The following KCNJ3 variants were observed in gnomAD, a reference collection of about 807,000 sequenced individuals.
KCNJ3 encodes the protein potassium inwardly rectifying channel subfamily J member 3.
In KCNJ3, 4 loss-of-function variants were observed where a neutral mutation model predicts 39.2. The observed-to-expected ratio is 0.10, with a 90% CI of 0.05 to 0.23. The LOEUF is 0.23. Ranked by LOEUF, KCNJ3 falls within the 10% of genes least tolerant of loss-of-function variation. The probability of loss-of-function intolerance (pLI) is 1.00; values close to 1 mark genes in which losing one functional copy is unlikely to be tolerated. For missense variants in KCNJ3, 276 were observed against 634.9 expected, an observed-to-expected ratio of 0.43 and a Z score of 6.08; for synonymous variants, 230 against 237.4, an observed-to-expected ratio of 0.97 and a Z score of 0.29.
At chr2:154,725,004 GC>G (rs1345521308) in intron 2 of KCNJ3, among the ~76,000 whole-genome samples, 3 of 147,548 alleles carry the variant, frequency 2.0e-5, no homozygotes. Context: ...ACTCACCTGG[GC>G]TTTTAGTGTT....
chr2:154,830,071 C>T (rs553980861), intron 2 of KCNJ3, among the ~76,000 whole-genome samples: 1 of 152,246 alleles, frequency 6.6e-6, no homozygotes, highest in East Asian at 1.9e-4. Flanking sequence ...GAAAGTTCAT[C>T]TGGAAAACCT....
At chr2:154,831,590 T>C (rs1185588504) in intron 2 of KCNJ3, among the ~76,000 whole-genome samples, 1 of 152,094 alleles carries the variant, frequency 6.6e-6, no homozygotes, top group Non-Finnish European at 1.5e-5. Flanking sequence ...ATGGATGAGA[T>C]GTGTCATTGA....
intron 2 of KCNJ3, among the ~76,000 whole-genome samples, chr2:154,841,337 T>G (rs1687572317): frequency 6.6e-6 from 1 of 152,200 alleles, no homozygotes; most frequent in Non-Finnish European, 1.5e-5. Flanking sequence ...AGTTTGCCAG[T>G]ATTTTATTGA....
At chr2:154,701,364 GTTAT>G (rs1684893567) in intron 1 of KCNJ3, among the ~76,000 whole-genome samples, 1 of 151,946 alleles carries the variant, frequency 6.6e-6, no homozygotes, top group African/African-American at 2.4e-5. Context: ...AACATTTAAG[GTTAT>G]TTATTACAGA....
At chr2:154,789,545 A>C (rs1686590853) in intron 2 of KCNJ3, among the ~76,000 whole-genome samples, 2 of 152,108 alleles carry the variant, frequency 1.3e-5, no homozygotes, top group Non-Finnish European at 2.9e-5. Context: ...GCAAAACATC[A>C]TTCAAATGTT....
At chr2:154,701,369 T>G (rs752392999) in intron 1 of KCNJ3, among the ~76,000 whole-genome samples, 3 of 152,120 alleles carry the variant, frequency 2.0e-5, no homozygotes, top group Admixed American at 1.3e-4. Flanking sequence ...TTAAGGTTAT[T>G]TATTACAGAT....
At position 154,839,961 on chromosome 2, in the gene KCNJ3, T is replaced by G. The variant is rs1426666222; in HGVS notation, c.920-14766T>G. Among the ~76,000 whole-genome samples, 3 of 152,208 alleles carry G rather than the reference T, an allele frequency of 2.0e-5. No homozygotes were observed. The East Asian group carries it at 5.8e-4, about 29-fold the overall frequency. On this transcript the variant is annotated intron_variant, in intron 2 of 2. Coordinates refer to ENST00000295101, the MANE Select transcript of KCNJ3 (RefSeq NM_002239.4). ...TTTAATTAGATCCCATTTGTCAATT[T>G]TGGCTTTTGTTGCCATTGCTTTTGG...
intron 2 of KCNJ3, among the ~76,000 whole-genome samples, chr2:154,773,777 G>T (rs532595476): frequency 6.6e-6 from 1 of 152,162 alleles, no homozygotes; most frequent in South Asian, 2.1e-4. Context: ...CACACTTGAC[G>T]CATGTCTTAA....
chr2:154,783,816 G>T (rs1002334143), intron 2 of KCNJ3, among the ~76,000 whole-genome samples: 4 of 152,156 alleles, frequency 2.6e-5, no homozygotes, highest in African/African-American at 9.6e-5. Flanking sequence ...CCATTATTCT[G>T]GTTTTTTAAA....
chr2:154,826,547 T>C (rs972168027), intron 2 of KCNJ3, among the ~76,000 whole-genome samples: 30 of 152,322 alleles, frequency 2.0e-4, no homozygotes, highest in African/African-American at 7.0e-4. Context: ...TACTAAAAAT[T>C]GTCATTAAAA....
intron 2 of KCNJ3, among the ~76,000 whole-genome samples, chr2:154,750,594 CA>C (rs1685823655): frequency 6.6e-6 from 1 of 151,898 alleles, no homozygotes; most frequent in Admixed American, 6.6e-5. Flanking sequence ...TAGAAAAATA[CA>C]TAAGCAACAA....
At chr2:154,728,033 T>C (rs563301604) in intron 2 of KCNJ3, among the ~76,000 whole-genome samples, 72 of 151,886 alleles carry the variant, frequency 4.7e-4, no homozygotes, top group Non-Finnish European at 4.4e-4. Flanking sequence ...TGAAAAACAA[T>C]GATTTTGATT....
At chr2:154,726,111 A>G (rs1362344004) in intron 2 of KCNJ3, among the ~76,000 whole-genome samples, 5 of 152,152 alleles carry the variant, frequency 3.3e-5, no homozygotes, top group Non-Finnish European at 7.4e-5. Flanking sequence ...TAACTAGATG[A>G]GACTTAATTA....
chr2:154,718,645 T>C (rs1298762988), intron 2 of KCNJ3, among the ~76,000 whole-genome samples: 1 of 152,202 alleles, frequency 6.6e-6, no homozygotes, highest in Non-Finnish European at 1.5e-5. Context: ...ATTCCACCAT[T>C]TCCTTACTTT....
At chr2:154,788,170 C>T (rs1303203848) in intron 2 of KCNJ3, among the ~76,000 whole-genome samples, 1 of 152,044 alleles carries the variant, frequency 6.6e-6, no homozygotes, top group Non-Finnish European at 1.5e-5. Flanking sequence ...TGAGAAGAAG[C>T]AGACACATCC....
chr2:154,714,527 T>C (rs565793568), intron 2 of KCNJ3, among the ~76,000 whole-genome samples: 1 of 152,330 alleles, frequency 6.6e-6, no homozygotes, highest in African/African-American at 2.4e-5. Context: ...TCTCCAGATA[T>C]GAAACTTACC....
chr2:154,769,425 T>C (rs1284359072), intron 2 of KCNJ3, among the ~76,000 whole-genome samples: 3 of 152,226 alleles, frequency 2.0e-5, no homozygotes, highest in Non-Finnish European at 4.4e-5. Flanking sequence ...GAAGGCCTTT[T>C]CTGCATCTAT....
At chr2:154,819,951 A>G (rs112713200) in intron 2 of KCNJ3, among the ~76,000 whole-genome samples, 16 of 152,136 alleles carry the variant, frequency 1.1e-4, no homozygotes, top group African/African-American at 3.9e-4. Flanking sequence ...GTTCAAATTC[A>G]GAACAAAACA....
chr2:154,823,970 T>C (rs1687226336), intron 2 of KCNJ3, among the ~76,000 whole-genome samples: 1 of 152,202 alleles, frequency 6.6e-6, no homozygotes, highest in South Asian at 2.1e-4. Context: ...GTAAAACTTA[T>C]TGGTGTATAG....
Sources: allele counts gnomAD v4.1 joint callset (sites outside exome capture counted in the v4.1 genomes callset), GRCh38; gene constraint gnomAD v4.1.1; transcripts MANE v1.5; gene names NCBI Gene and HGNC (gene_info 2026-07-23, HGNC 2026-07-21).